RALGDS: variants seen among roughly 807,000 people sequenced by gnomAD.
RALGDS encodes the protein ral guanine nucleotide exchange factor.
A neutral mutation model predicts 99.8 loss-of-function variants in RALGDS; 44 were observed. The ratio of observed to expected loss-of-function variants is 0.44; its 90% CI spans 0.35 to 0.57. The LOEUF (loss-of-function observed/expected upper bound fraction) is 0.57. Ranked by LOEUF, RALGDS falls within the 20% of genes least tolerant of loss-of-function variation. RALGDS has a pLI of 0.01. For missense variants in RALGDS, 1,022 were observed against 1,203.1 expected (o/e 0.85, Z 2.23); for synonymous variants, 529 against 505.0 (o/e 1.05, Z -0.64).
upstream of RALGDS, among the ~76,000 whole-genome samples, chr9:133,121,843 C>G (rs1009963423): frequency 1.3e-5 from 2 of 152,202 alleles, no homozygotes; most frequent in Non-Finnish European, 2.9e-5. Flanking sequence ...GAGAGGCTGA[C>G]CATGTGTTCA....
intron 3 of RALGDS, among the ~76,000 whole-genome samples, 163 bp downstream of exon 3, chr9:133,110,133 G>A (rs1469084015): frequency 6.6e-6 from 1 of 152,202 alleles, no homozygotes; most frequent in Non-Finnish European, 1.5e-5. Context: ...TCCCGCCCAG[G>A]CATGGTGACA....
exon 1 of RALGDS, chr9:133,149,025 G>C: frequency 1.3e-6 from 2 of 1,512,470 alleles, no homozygotes; most frequent in Non-Finnish European, 1.8e-6. Context: ...CGGGACCCGG[G>C]GCTCGCAGAG....
At chr9:133,113,090 T>G (rs537771573) in intron 1 of RALGDS, among the ~76,000 whole-genome samples, 1 of 152,296 alleles carries the variant, frequency 6.6e-6, no homozygotes, top group South Asian at 2.1e-4. Context: ...CAGCCCCCTA[T>G]GCCACCTGCT....
Position 133,112,071 on chromosome 9 carries a change from C to T in RALGDS, c.265G>A (p.Gly89Arg), listed in dbSNP as rs367554386. 10 of 1,584,774 alleles carry T rather than the reference C, an allele frequency of 6.3e-6. No homozygotes were observed. The highest frequency in any genetic ancestry group is 7.7e-6 in the Non-Finnish European group (9 of 1,164,510). The part of the protein sequence containing the change: ...ISLRKVQLHH[G>R]GNKGQRWLGY... ...AGCCAGCGCTGCCCCTTGTTGCCTC[C>T]GTGGTGCAGCTGCACCTTGCGCAGG... Residue 89 changes from glycine (G) to arginine (R), a missense_variant, in exon 2 of 18, where the codon GGA (glycine) becomes AGA (arginine). Around this residue, in one of 3 missense-constraint regions of RALGDS, gnomAD observed 180 missense variants for 169.3 expected, o/e 1.06. Coordinates refer to ENST00000372050, the MANE Select transcript of RALGDS (RefSeq NM_006266.4).
Position 133,106,721 on chromosome 9 carries a change from A to T in RALGDS, c.1441T>A (p.Ser481Thr), listed in dbSNP as rs1320498928. ...RECRILKNFS[S>T]LYAILSALQS... ...AGGGCAGAGAGGATGGCATACAGTGACGAGAAGTTCTTGAGGATCCGGCAC... is the reference window on the plus strand; with the variant it reads ...AGGGCAGAGAGGATGGCATACAGTGTCGAGAAGTTCTTGAGGATCCGGCAC... Residue 481 changes from serine to threonine, a missense_variant, in exon 8 of 18, where the codon TCA becomes ACA. Ser to Thr is a moderately conservative substitution (Grantham distance 58, BLOSUM62 1). Coordinates refer to ENST00000372050, the MANE Select transcript of RALGDS (RefSeq NM_006266.4). 1 of 1,612,638 alleles carries T rather than the reference A, an allele frequency of 6.2e-7. No individual in the cohort carries two copies. The highest frequency in any genetic ancestry group is 8.5e-7 in the Non-Finnish European group (1 of 1,179,332).
At chr9:133,118,629 T>C (rs1230658005) in intron 1 of RALGDS, among the ~76,000 whole-genome samples, 2 of 152,250 alleles carry the variant, frequency 1.3e-5, no homozygotes, top group African/African-American at 4.8e-5. Context: ...GGTCCAGTTC[T>C]GGGCTTGCTT....
At chr9:133,115,680 T>C (rs534056078) in intron 1 of RALGDS, among the ~76,000 whole-genome samples, 36 of 152,324 alleles carry the variant, frequency 2.4e-4, no homozygotes, top group African/African-American at 8.4e-4. Context: ...TGACCGGCAC[T>C]GGGACCTGAT....
At chr9:133,139,332 C>T (rs571174533) in intron 1 of RALGDS, among the ~76,000 whole-genome samples, 2 of 152,310 alleles carry the variant, frequency 1.3e-5, no homozygotes, top group Non-Finnish European at 1.5e-5. Context: ...AGGGACTCCC[C>T]GACCCCAGAA....
intron 1 of RALGDS, among the ~76,000 whole-genome samples, chr9:133,143,848 C>T (rs1295768314): frequency 3.3e-5 from 5 of 149,780 alleles, no homozygotes; most frequent in Admixed American, 2.0e-4. Context: ...CCACTCATTC[C>T]ACTCCTGGGC....
At chr9:133,112,760 G>A (rs910993221) in intron 1 of RALGDS, among the ~76,000 whole-genome samples, 6 of 152,182 alleles carry the variant, frequency 3.9e-5, no homozygotes, top group Non-Finnish European at 7.4e-5. Context: ...CCAGGTCTGG[G>A]CAGGTGTGGG....
chr9:133,117,309 C>T (rs534118384), intron 1 of RALGDS, among the ~76,000 whole-genome samples: 1 of 152,324 alleles, frequency 6.6e-6, no homozygotes, highest in Admixed American at 6.5e-5. Flanking sequence ...GGCTCAGGAG[C>T]ACGTCTACAT....
chr9:133,109,482 G>A, intron 4 of RALGDS, 144 bp downstream of exon 4: 1 of 769,002 alleles, frequency 1.3e-6, no homozygotes, highest in South Asian at 1.4e-5. Flanking sequence ...GAAGCCCCCA[G>A]ACCCCAGCCC....
intron 16 of RALGDS, chr9:133,101,218 G>A (rs1214866038): frequency 4.0e-6 from 5 of 1,250,784 alleles, no homozygotes; most frequent in Admixed American, 6.9e-5. Flanking sequence ...CGAGAAAGTC[G>A]AGGTCCTGGC....
chr9:133,109,725 C>A lies in RALGDS; in HGVS notation c.489-4G>T. The A allele has an allele frequency of 6.2e-7, 1 of 1,610,804 alleles. No homozygotes were observed. The highest frequency in any genetic ancestry group is 8.5e-7 in the Non-Finnish European group (1 of 1,177,140). On this transcript the variant is annotated splice_polypyrimidine_tract_variant and splice_region_variant and intron_variant, in intron 3 of 17. Transcript: ENST00000372050. ...GAGGGCGTCACATCTACCGTACCTG[C>A]TTATGACGTCTAGTGTTACTGTCTG...
chr9:133,105,952 T>G lies in RALGDS; in HGVS notation c.1582A>C (p.Ser528Arg). The change falls in exon 9 of 18, where the codon AGC (serine) becomes CGC (arginine). Residue 528 changes from serine to arginine, a missense_variant. Coordinates refer to ENST00000372050, the MANE Select transcript of RALGDS (RefSeq NM_006266.4). The part of the protein sequence containing the change: ...IFSDENNYSL[S>R]RELLIKEGTS... ...TCCACCTTGATGAGCAGCTCCCGGC[T>G]CAATGAGTAGTTGTTCTCATCTGAG... 1 of 1,597,862 alleles carries G rather than the reference T, an allele frequency of 6.3e-7. No individual in the cohort carries two copies. Among genetic ancestry groups the G allele is most frequent in the East Asian group, 2.3e-5 (1 of 43,496 alleles).
In RALGDS at chr9:133,130,134, G is replaced by A. The variant is rs999644995; in HGVS notation, c.132+818C>T. ...CTACAGGCGCATGCCACCACACCCA[G>A]CTAATTTTTGTATTTTTAGTAGAGA... On this transcript the variant is annotated intron_variant, in intron 1 of 17. Transcript: ENST00000372062. 2.0e-5 allele frequency among the ~76,000 whole-genome samples: 3 copies of A among 152,180 alleles called. No homozygotes were observed. The East Asian group carries it at 5.8e-4, about 29-fold the overall frequency.
chr9:133,146,982 C>T (rs1809933728), intron 1 of RALGDS, among the ~76,000 whole-genome samples: 1 of 152,214 alleles, frequency 6.6e-6, no homozygotes, highest in South Asian at 2.1e-4. Flanking sequence ...GGCAGAGGCA[C>T]CCAGCTGAGC....
chr9:133,112,213 G>T, intron 1 of RALGDS, 61 bp from the exon 2 acceptor site: 1 of 1,098,186 alleles, frequency 9.1e-7, no homozygotes, highest in South Asian at 1.3e-5. Flanking sequence ...TGGCCACCGT[G>T]CAGGGGATGC....
chr9:133,121,338 G>C (rs1831936375), upstream of RALGDS: 1 of 608,020 alleles, frequency 1.6e-6, no homozygotes, highest in Non-Finnish European at 2.1e-6. Flanking sequence ...AGAGTCCGAG[G>C]GACGCGTGCG....
Sources: allele counts gnomAD v4.1 joint callset (sites outside exome capture counted in the v4.1 genomes callset), GRCh38; gene constraint gnomAD v4.1.1; regional missense constraint gnomAD v4.1.1; transcripts MANE v1.5; gene names NCBI Gene and HGNC (gene_info 2026-07-23, HGNC 2026-07-21).